The following BCL2L14 variants were observed in gnomAD, a reference collection of about 807,000 sequenced individuals.
BCL2L14 encodes the protein apoptosis facilitator Bcl-2-like protein 14.
Under a neutral mutation model 35.3 loss-of-function variants are expected in BCL2L14, and 27 were observed. The ratio of observed to expected loss-of-function variants is 0.76; its 90% confidence interval spans 0.56 to 1.05. The LOEUF (loss-of-function observed/expected upper bound fraction) is 1.05. Among genes scored for constraint, BCL2L14 ranks in the 50% least tolerant of loss-of-function variants. The pLI, the probability that BCL2L14 is intolerant of heterozygous loss-of-function variation, is 0.00. For synonymous variants in BCL2L14, 139 were observed against 145.9 expected (o/e 0.95, Z 0.34); for missense variants, 377 against 382.6 (o/e 0.99, Z 0.12).
At chr12:12,075,988 A>G (rs1001877162) in intron 1 of BCL2L14, among the ~76,000 whole-genome samples, 6 of 151,494 alleles carry the variant, frequency 4.0e-5, no homozygotes, top group African/African-American at 4.9e-5. Context: ...TCTCACCTTT[A>G]GTGAGACCAA....
intron 1 of BCL2L14, among the ~76,000 whole-genome samples, chr12:12,074,705 C>T (rs1487075829): frequency 6.6e-6 from 1 of 152,190 alleles, no homozygotes; most frequent in Admixed American, 6.5e-5. Flanking sequence ...TCCCAAAGTG[C>T]TAGGATTACA....
At chr12:12,059,360 C>T (rs150596951) in intron 2 of BCL2L14, among the ~76,000 whole-genome samples, 95 of 152,078 alleles carry the variant, frequency 6.2e-4, no homozygotes, top group African/African-American at 1.9e-3. Context: ...GCGGCAAGTC[C>T]GGCTTTTCTG....
At chr12:12,061,881 C>A (rs1948531005) in intron 2 of BCL2L14, among the ~76,000 whole-genome samples, 2 of 152,202 alleles carry the variant, frequency 1.3e-5, no homozygotes, top group African/African-American at 4.8e-5. Flanking sequence ...ATCTCCCAAA[C>A]CTCAATCCCT....
At chr12:12,061,362 G>A (rs577619150) in intron 2 of BCL2L14, among the ~76,000 whole-genome samples, 105 of 151,304 alleles carry the variant, frequency 6.9e-4, no homozygotes, top group African/African-American at 2.2e-3. Context: ...CCCTTACTCC[G>A]CTCAATGCCA....
chr12:12,051,588 G>A (rs1186999238), intron 1 of BCL2L14, among the ~76,000 whole-genome samples: 2 of 152,106 alleles, frequency 1.3e-5, no homozygotes, highest in African/African-American at 2.4e-5. Flanking sequence ...TCCCCATTCT[G>A]CTCTTTAGCA....
At position 12,079,632 on chromosome 12, in the gene BCL2L14, T is replaced by G. The variant is rs367663061; in HGVS notation, c.327T>G (p.Pro109=). ...AGAAGGAAGATTCGCAGAGCACGCC[T>G]GCCAAGGTCTCTGCTCAGGGTCAAA... ...VVEKEDSQST[P]AKVSAQGQRT... is the part of the protein sequence containing the mutation. The change falls in exon 2 of 6, where the codon CCT becomes CCG. Residue 109 remains proline (P), a synonymous_variant. Transcript: ENST00000308721. 2 of 1,614,090 alleles carry G rather than the reference T, an allele frequency of 1.2e-6. No homozygotes were observed. Among genetic ancestry groups the G allele is most frequent in the Non-Finnish European group, 1.7e-6 (2 of 1,180,048 alleles).
chr12:12,060,501 A>C (rs1157831147), intron 2 of BCL2L14, among the ~76,000 whole-genome samples: 1 of 106,878 alleles, frequency 9.4e-6, no homozygotes, highest in Non-Finnish European at 2.0e-5. Flanking sequence ...AACAGGATTT[A>C]ATTAACCTCG....
intron 4 of BCL2L14, among the ~76,000 whole-genome samples, chr12:12,091,594 G>A (rs914991102): frequency 1.3e-5 from 2 of 152,208 alleles, no homozygotes; most frequent in African/African-American, 4.8e-5. Flanking sequence ...AGACCCTGGG[G>A]GTGGGGATGG....
At chr12:12,075,953 T>C (rs2430608) in intron 1 of BCL2L14, among the ~76,000 whole-genome samples, 104,096 of 151,154 alleles carry the variant, frequency 0.69, 35,893 homozygotes, top group East Asian at 0.75. Flanking sequence ...CCAATGTTTT[T>C]GGATCAGGAG....
upstream of BCL2L14, among the ~76,000 whole-genome samples, chr12:12,069,707 C>CAAAAAAA (rs34941963): frequency 8.5e-6 from 1 of 117,358 alleles, no homozygotes; most frequent in African/African-American, 3.3e-5. Flanking sequence ...GACTCCGTCT[C>CAAAAAAA]AAAAAAAAAA....
chr12:12,054,267 C>T (rs2136706661), intron 2 of BCL2L14, among the ~76,000 whole-genome samples: 1 of 152,236 alleles, frequency 6.6e-6, no homozygotes, highest in African/African-American at 2.4e-5. Flanking sequence ...CTTTGGAAGG[C>T]CAAGGCAGGT....
intron 2 of BCL2L14, among the ~76,000 whole-genome samples, chr12:12,082,470 A>G (rs1016547371): frequency 6.6e-6 from 1 of 152,234 alleles, no homozygotes; most frequent in Non-Finnish European, 1.5e-5. Flanking sequence ...CAGCAGACAG[A>G]GAAAGCTTTT....
At chr12:12,094,636 T>C (rs1385637989) in intron 4 of BCL2L14, 28 bp from the exon 5 acceptor site, 1 of 1,614,184 alleles carries the variant, frequency 6.2e-7, no homozygotes, top group Non-Finnish European at 8.5e-7. Flanking sequence ...CAAGCTACTG[T>C]ACTGAGTGCT....
rs185703294 is a variant in BCL2L14 at position 12,058,762 on chromosome 12, T to C, written c.-272+6915T>C. ...CTCACACAAAGCCTGTTTGGTGGTC[T>C]CTTCACACCGACGCGCATGAAATTT... On this transcript the variant is annotated intron_variant, in intron 2 of 3. Coordinates refer to the BCL2L14 transcript ENST00000461264. 1.3e-3 allele frequency among the ~76,000 whole-genome samples: 198 copies of C among 152,300 alleles called. 1 individual carries two copies. Among genetic ancestry groups the C allele is most frequent in the African/African-American group, 4.5e-3 (188 of 41,556 alleles).
chr12:12,050,945 A>G (rs1045958972), intron 1 of BCL2L14, among the ~76,000 whole-genome samples: 1 of 127,654 alleles, frequency 7.8e-6, no homozygotes, highest in East Asian at 1.9e-4. Flanking sequence ...CTTGCATAAG[A>G]GAGAGATTTA....
intron 5 of BCL2L14, among the ~76,000 whole-genome samples, chr12:12,098,530 G>A (rs538694951): frequency 3.4e-4 from 52 of 152,092 alleles, no homozygotes; most frequent in Non-Finnish European, 5.0e-4. Context: ...AAGCTACCAC[G>A]AGATTCTGAT....
chr12:12,094,147 T>C (rs1023262798), intron 4 of BCL2L14, among the ~76,000 whole-genome samples: 3 of 151,576 alleles, frequency 2.0e-5, no homozygotes, highest in African/African-American at 7.3e-5. Context: ...CCCTATAGTA[T>C]CAATACTATC....
Position 12,087,400 on chromosome 12 carries a change from C to A in BCL2L14, c.607+14C>A. 1 of 1,612,804 alleles carries A rather than the reference C, an allele frequency of 6.2e-7. No homozygotes were observed. Among genetic ancestry groups the A allele is most frequent in the Non-Finnish European group, 8.5e-7 (1 of 1,179,366 alleles). ...GTTCTAAGAAAGGTAAGCTTTCCTTCCCTGGGTGGAGTGTTTGCCAGGCAG... is the reference window on the plus strand; with the variant it reads ...GTTCTAAGAAAGGTAAGCTTTCCTTACCTGGGTGGAGTGTTTGCCAGGCAG... On this transcript the variant is annotated intron_variant, in intron 3 of 5. Coordinates refer to ENST00000308721, the MANE Select transcript of BCL2L14 (RefSeq NM_138723.2).
chr12:12,084,945 G>A (rs1565475628), intron 2 of BCL2L14, among the ~76,000 whole-genome samples: 1 of 151,636 alleles, frequency 6.6e-6, no homozygotes, highest in Non-Finnish European at 1.5e-5. Context: ...GTAGTGGCGG[G>A]AGCCACTACG....
Sources: gnomAD v4.1 joint callset for allele counts (sites outside exome capture counted in the v4.1 genomes callset) on GRCh38, gnomAD v4.1.1 for gene constraint, MANE v1.5 for transcripts, NCBI Gene and HGNC (gene_info 2026-07-23, HGNC 2026-07-21) for gene names.